CNTN4: variants seen among roughly 807,000 people sequenced by gnomAD.
CNTN4 encodes contactin 4, also known as contactin-4.
CNTN4 carries 77 observed loss-of-function variants against 122.5 expected under a neutral mutation model. That is an observed-to-expected ratio of 0.63 (90% CI 0.52 to 0.76). CNTN4 has a LOEUF of 0.76. Among genes scored for constraint, CNTN4 ranks in the 30% least tolerant of loss-of-function variants. The pLI, the probability that CNTN4 is intolerant of heterozygous loss-of-function variation, is 0.00. For missense variants in CNTN4, 1,256 were observed against 1,259.1 expected (o/e 1.00, Z 0.04); for synonymous variants, 512 against 447.0 (o/e 1.15, Z -1.83).
intron 4 of CNTN4, among the ~76,000 whole-genome samples, chr3:2,718,817 A>G (rs974841828): frequency 3.9e-5 from 6 of 152,170 alleles, no homozygotes; most frequent in Non-Finnish European, 5.9e-5. Flanking sequence ...TAAGCCAAAC[A>G]TTTTACTTTT....
At chr3:2,211,237 C>T (rs1432720005) in intron 2 of CNTN4, among the ~76,000 whole-genome samples, 5 of 152,052 alleles carry the variant, frequency 3.3e-5, no homozygotes, top group East Asian at 1.9e-4. Flanking sequence ...GACCAGATCT[C>T]GTGAAAACTC....
rs1046646607 is a variant in CNTN4, at chr3:2,778,457, T to C, written c.358+32760T>C. On this transcript the variant is annotated intron_variant, in intron 6 of 24. Coordinates refer to ENST00000418658, the MANE Select transcript of CNTN4 (RefSeq NM_175607.3). ...TCTCACCAGAAAATCACCTAAGCTC[T>C]AAGACCCAAAGCCACTCAAATTTCA... Among the ~76,000 whole-genome samples the C allele has an allele frequency of 2.6e-5, 4 of 152,210 alleles. No homozygotes were observed. The East Asian group carries it at 7.7e-4, about 29-fold the overall frequency.
chr3:2,806,589 G>T (rs1239253119), intron 6 of CNTN4, among the ~76,000 whole-genome samples: 1 of 152,186 alleles, frequency 6.6e-6, no homozygotes, highest in African/African-American at 2.4e-5. Context: ...TGTCTCCTCA[G>T]TTGTTTCTCC....
At chr3:2,482,743 C>T (rs1386839144) in intron 3 of CNTN4, among the ~76,000 whole-genome samples, 1 of 152,190 alleles carries the variant, frequency 6.6e-6, no homozygotes, top group African/African-American at 2.4e-5. Context: ...AAGCCTCAAG[C>T]CTAGGCAGCT....
chr3:2,337,894 A>G (rs371891758), intron 2 of CNTN4, among the ~76,000 whole-genome samples: 11 of 152,180 alleles, frequency 7.2e-5, no homozygotes, highest in African/African-American at 2.6e-4. Flanking sequence ...AATAGCTGTA[A>G]ATAGAGCTTT....
chr3:2,514,982 C>T (rs1226193489), intron 3 of CNTN4, among the ~76,000 whole-genome samples: 6 of 151,938 alleles, frequency 3.9e-5, no homozygotes, highest in East Asian at 1.9e-4. Context: ...CTGTCTGTCC[C>T]GTTCCCTGTT....
chr3:2,874,078 A>T (rs2093816389), intron 8 of CNTN4, among the ~76,000 whole-genome samples: 1 of 152,202 alleles, frequency 6.6e-6, no homozygotes. Context: ...GCCATTGCTA[A>T]TCTGATTTAA....
intron 3 of CNTN4, among the ~76,000 whole-genome samples, chr3:2,389,094 G>C (rs2046352639): frequency 6.6e-6 from 1 of 151,998 alleles, no homozygotes; most frequent in African/African-American, 2.4e-5. Flanking sequence ...CTGGGAGGGG[G>C]AGGTTGCAGT....
chr3:2,590,207 T>A (rs1311142276), intron 4 of CNTN4, among the ~76,000 whole-genome samples: 1 of 152,184 alleles, frequency 6.6e-6, no homozygotes, highest in Non-Finnish European at 1.5e-5. Flanking sequence ...CCATGGAGAA[T>A]CCCAAGTGAT....
At chr3:2,104,914 C>T (rs1301325142) in intron 2 of CNTN4, among the ~76,000 whole-genome samples, 1 of 152,162 alleles carries the variant, frequency 6.6e-6, no homozygotes, top group Non-Finnish European at 1.5e-5. Context: ...ATTTTGACCT[C>T]TATTACTATC....
At chr3:2,823,858 G>T (rs1351166133) in intron 7 of CNTN4, among the ~76,000 whole-genome samples, 2 of 152,088 alleles carry the variant, frequency 1.3e-5, no homozygotes, top group Non-Finnish European at 2.9e-5. Context: ...TCAAAGGGTG[G>T]TCCAAGCACC....
chr3:2,277,834 A>G (rs1425740453), intron 2 of CNTN4, among the ~76,000 whole-genome samples: 1 of 152,200 alleles, frequency 6.6e-6, no homozygotes, highest in African/African-American at 2.4e-5. Context: ...AGTTCAGCAC[A>G]ATGCTATTTA....
chr3:2,671,834 C>T (rs1359442470), intron 4 of CNTN4, among the ~76,000 whole-genome samples: 1 of 152,226 alleles, frequency 6.6e-6, no homozygotes, highest in East Asian at 1.9e-4. Context: ...CCCTCAGCTG[C>T]AGGTCTGTTG....
intron 3 of CNTN4, among the ~76,000 whole-genome samples, chr3:2,531,506 T>C (rs573786078): frequency 6.6e-6 from 1 of 152,262 alleles, no homozygotes; most frequent in South Asian, 2.1e-4. Flanking sequence ...CCTAGCTTGT[T>C]AACATTTAAT....
chr3:2,688,889 G>T (rs1199064480), intron 4 of CNTN4, among the ~76,000 whole-genome samples: 1 of 152,162 alleles, frequency 6.6e-6, no homozygotes, highest in Non-Finnish European at 1.5e-5. Context: ...ATTGCAAATG[G>T]TGACAATCTA....
At chr3:2,193,615 T>C (rs1242794725) in intron 2 of CNTN4, among the ~76,000 whole-genome samples, 1 of 152,198 alleles carries the variant, frequency 6.6e-6, no homozygotes, top group African/African-American at 2.4e-5. Flanking sequence ...GCCAGCAGAT[T>C]AGATAACATT....
intron 6 of CNTN4, among the ~76,000 whole-genome samples, chr3:2,810,519 C>A (rs114704318): frequency 0.01 from 1,573 of 152,220 alleles, 37 homozygotes; most frequent in African/African-American, 0.036. Context: ...TGACCCTAGG[C>A]AAATTTGTCT....
At chr3:2,206,262 T>C (rs2038338142) in intron 2 of CNTN4, among the ~76,000 whole-genome samples, 1 of 152,210 alleles carries the variant, frequency 6.6e-6, no homozygotes, top group East Asian at 1.9e-4. Flanking sequence ...TGTCAACTTA[T>C]AAAAGAGCTC....
chr3:2,110,735 T>C (rs2032881689), intron 2 of CNTN4: 1 of 99,688 alleles, frequency 1.0e-5, no homozygotes, highest in Admixed American at 1.2e-4. Context: ...CCCGCCTTTT[T>C]TTTGGTTGTT....
Sources: allele counts gnomAD v4.1 joint callset (sites outside exome capture counted in the v4.1 genomes callset), GRCh38; gene constraint gnomAD v4.1.1; transcripts MANE v1.5; gene names NCBI Gene and HGNC (gene_info 2026-07-23, HGNC 2026-07-21).